The following PAG1 variants were observed in gnomAD, a reference collection of about 807,000 sequenced individuals.
The protein encoded by PAG1 is phosphoprotein membrane anchor with glycosphingolipid microdomains 1.
PAG1 carries 23 observed loss-of-function variants against 31.7 expected under a neutral mutation model. The observed-to-expected ratio is 0.73, with a 90% CI of 0.52 to 1.03. The LOEUF (loss-of-function observed/expected upper bound fraction) is 1.03. Ranked by LOEUF, PAG1 falls within the 50% of genes least tolerant of loss-of-function variation. PAG1 has a pLI of 0.00. For missense variants in PAG1, 473 were observed against 540.7 expected, an observed-to-expected ratio of 0.87 and a Z score of 1.24; for synonymous variants, 214 against 210.3, an observed-to-expected ratio of 1.02 and a Z score of -0.15.
At chr8:81,010,032 GT>G (rs1807953907) in intron 3 of PAG1, among the ~76,000 whole-genome samples, 1 of 152,198 alleles carries the variant, frequency 6.6e-6, no homozygotes, top group Admixed American at 6.5e-5. Flanking sequence ...CTGAATATAT[GT>G]TTGGGGCTGA....
chr8:81,046,176 G>A (rs1808638758), intron 2 of PAG1, among the ~76,000 whole-genome samples: 1 of 152,160 alleles, frequency 6.6e-6, no homozygotes, highest in African/African-American at 2.4e-5. Context: ...TTTGGTCTTG[G>A]AGAGGATATC....
At chr8:81,027,221 C>T (rs182672962) in intron 3 of PAG1, among the ~76,000 whole-genome samples, 4 of 152,140 alleles carry the variant, frequency 2.6e-5, no homozygotes, top group African/African-American at 4.8e-5. Context: ...AGGCTGGTCT[C>T]GAACTCCTGG....
intron 1 of PAG1, among the ~76,000 whole-genome samples, chr8:81,100,041 T>G (rs927530804): frequency 2.0e-5 from 3 of 152,356 alleles, no homozygotes; most frequent in Admixed American, 2.0e-4. Context: ...TTAGAAATTC[T>G]TTACCCACAA....
chr8:81,062,140 A>T (rs967111063), intron 2 of PAG1, among the ~76,000 whole-genome samples: 29 of 152,132 alleles, frequency 1.9e-4, no homozygotes, highest in African/African-American at 6.8e-4. Flanking sequence ...AAGCACCCAC[A>T]CTCATCGCAA....
intron 3 of PAG1, among the ~76,000 whole-genome samples, chr8:81,011,781 G>A (rs1807988801): frequency 6.6e-6 from 1 of 152,224 alleles, no homozygotes; most frequent in South Asian, 2.1e-4. Context: ...TAGATTCACA[G>A]TGCCAGCTAC....
At chr8:81,056,152 G>A (rs976614445) in intron 2 of PAG1, among the ~76,000 whole-genome samples, 3 of 152,092 alleles carry the variant, frequency 2.0e-5, no homozygotes, top group Non-Finnish European at 4.4e-5. Context: ...AATTTGTTGA[G>A]AGTTTTTAGC....
intron 3 of PAG1, among the ~76,000 whole-genome samples, chr8:81,019,117 A>C (rs1321139724): frequency 6.6e-6 from 1 of 152,204 alleles, no homozygotes; most frequent in Non-Finnish European, 1.5e-5. Context: ...CTTGCCCTAG[A>C]GGTCTGTGGA....
At chr8:81,076,557 A>C (rs933432732) in intron 1 of PAG1, among the ~76,000 whole-genome samples, 6 of 152,230 alleles carry the variant, frequency 3.9e-5, no homozygotes, top group African/African-American at 1.4e-4. Flanking sequence ...AACAAAGCAA[A>C]CAACAACATT....
At chr8:81,087,164 G>A in intron 1 of PAG1, among the ~76,000 whole-genome samples, 1 of 152,156 alleles carries the variant, frequency 6.6e-6, no homozygotes. Context: ...CCAACATGGT[G>A]AAACCCCGTG....
At chr8:80,991,814 T>G (rs567300894) in intron 4 of PAG1, among the ~76,000 whole-genome samples, 22 of 151,124 alleles carry the variant, frequency 1.5e-4, no homozygotes, top group Non-Finnish European at 2.5e-4. Flanking sequence ...GGCCTGGGCC[T>G]GCGTAGAAAT....
intron 7 of PAG1, among the ~76,000 whole-genome samples, chr8:80,981,862 C>CCTTT (rs1554598378): frequency 8.7e-5 from 9 of 103,426 alleles, no homozygotes; most frequent in African/African-American, 3.0e-4. Context: ...ATCTCACTTC[C>CCTTT]TTTTTTTTTT....
In PAG1 at chr8:80,976,850, C is replaced by T; in HGVS notation, c.993G>A (p.Gly331=). The stretch of plus-strand genomic sequence containing the variant: ...TGGACTCCGGAACTGTAAGCGACTG[C>T]CCCGATTTATTCACTAACTGTCCAG... ...NKPGQLVNKS[G]QSLTVPESTY... is the part of the protein sequence containing the mutation. Residue 331 remains glycine, a synonymous_variant, in exon 9 of 9, where the codon GGG becomes GGA. Transcript: ENST00000220597. 1 of 1,613,508 alleles carries T rather than the reference C, an allele frequency of 6.2e-7. No individual in the cohort carries two copies. Among genetic ancestry groups the T allele is most frequent in the Non-Finnish European group, 8.5e-7 (1 of 1,179,462 alleles).
rs534644374 is a variant in PAG1 at position 80,968,048 on chromosome 8, G to A, written c.*8496C>T. ...ACAAATACCCATTTCAGTTCCTCAG[G>A]TACCATTACTGGTTGAATGATCAAG... On this transcript the variant is annotated 3_prime_UTR_variant, in exon 9 of 9. Transcript: ENST00000220597. 1.1e-4 allele frequency: 17 copies of A among 152,134 alleles called. No homozygotes were observed. Among genetic ancestry groups the A allele is most frequent in the Non-Finnish European group, 2.2e-4 (15 of 68,018 alleles). The allele number at this position is 152,134 out of a possible 1,614,324, so 9.4% of individuals were successfully genotyped here.
At chr8:81,054,688 A>C (rs1015404486) in intron 2 of PAG1, among the ~76,000 whole-genome samples, 3 of 152,146 alleles carry the variant, frequency 2.0e-5, no homozygotes, top group Admixed American at 6.5e-5. Flanking sequence ...AAAGAAAAAA[A>C]AAAGAGTATA....
intron 1 of PAG1, among the ~76,000 whole-genome samples, chr8:81,087,169 C>G (rs572743710): frequency 6.6e-6 from 1 of 152,172 alleles, no homozygotes; most frequent in African/African-American, 2.4e-5. Flanking sequence ...ATGGTGAAAC[C>G]CCGTGTCTAC....
intron 2 of PAG1, among the ~76,000 whole-genome samples, chr8:81,052,941 A>G (rs1024812125): frequency 1.3e-5 from 2 of 152,266 alleles, no homozygotes; most frequent in Non-Finnish European, 2.9e-5. Flanking sequence ...AAAGATGATA[A>G]GACAATGAGC....
Position 80,980,477 on chromosome 8 carries a change from T to A in PAG1, c.894A>T (p.Ser298=). Residue 298 remains serine, a synonymous_variant, in exon 8 of 9, where the codon TCA becomes TCT. Coordinates refer to ENST00000220597, the MANE Select transcript of PAG1 (RefSeq NM_018440.4). Reference sequence around the variant, plus strand: ...TGGGGTCTTCTTCCCGAGACTTGTATGACAATGAGCTAAATCTCTGTCAGA... The same window carrying A: ...TGGGGTCTTCTTCCCGAGACTTGTAAGACAATGAGCTAAATCTCTGTCAGA... The part of the protein sequence containing the change: ...SETNKRFSSL[S]YKSREEDPTL... The A allele has an allele frequency of 2.5e-6, 4 of 1,604,798 alleles. No individual in the cohort carries two copies. Among genetic ancestry groups the A allele is most frequent in the Non-Finnish European group, 3.4e-6 (4 of 1,171,612 alleles).
At chr8:81,002,513 G>A (rs910001648) in intron 3 of PAG1, among the ~76,000 whole-genome samples, 6 of 152,204 alleles carry the variant, frequency 3.9e-5, no homozygotes, top group African/African-American at 1.4e-4. Context: ...CATTTCATAT[G>A]TCAAAGGAAT....
intron 3 of PAG1, among the ~76,000 whole-genome samples, chr8:81,017,594 A>G (rs1363703148): frequency 6.6e-6 from 1 of 152,212 alleles, no homozygotes; most frequent in Non-Finnish European, 1.5e-5. Context: ...CCCTCTCCAG[A>G]TATTGGTAAG....
Sources: allele counts gnomAD v4.1 joint callset (sites outside exome capture counted in the v4.1 genomes callset), GRCh38; gene constraint gnomAD v4.1.1; transcripts MANE v1.5; gene names NCBI Gene and HGNC (gene_info 2026-07-23, HGNC 2026-07-21).